The following SMOC2 variants were observed in gnomAD, a reference collection of about 807,000 sequenced individuals.
SMOC2 encodes SPARC related modular calcium binding 2.
Under a neutral mutation model 61.4 loss-of-function variants are expected in SMOC2, and 39 were observed. The ratio of observed to expected loss-of-function variants is 0.64; its 90% CI spans 0.49 to 0.83. The LOEUF (loss-of-function observed/expected upper bound fraction) is 0.83. SMOC2 is among the 40% of genes least tolerant of loss of function. The pLI is 0.00. For missense variants in SMOC2, 556 were observed against 592.9 expected (o/e 0.94, Z 0.65); for synonymous variants, 247 against 239.9 (o/e 1.03, Z -0.27).
intron 9 of SMOC2, among the ~76,000 whole-genome samples, chr6:168,616,611 G>A (rs1452667321): frequency 1.3e-5 from 2 of 152,206 alleles, no homozygotes; most frequent in Admixed American, 1.3e-4. Flanking sequence ...TAAGTTGGAT[G>A]TCTAAATATG....
intron 1 of SMOC2, among the ~76,000 whole-genome samples, chr6:168,448,469 G>A (rs561146130): frequency 9.0e-4 from 129 of 142,778 alleles, no homozygotes; most frequent in Non-Finnish European, 1.8e-3. Flanking sequence ...GACGGAGATG[G>A]CAAGGAAGAT....
At chr6:168,562,264 C>T in intron 7 of SMOC2, among the ~76,000 whole-genome samples, 1 of 140,044 alleles carries the variant, frequency 7.1e-6, no homozygotes, top group Non-Finnish European at 1.5e-5. Flanking sequence ...ATTTTCCTGC[C>T]CTGAGACACA....
chr6:168,653,171 A>T lies in SMOC2; in HGVS notation c.1228A>T (p.Met410Leu). The T allele has an allele frequency of 6.2e-7, 1 of 1,614,158 alleles. No individual in the cohort carries two copies. Among genetic ancestry groups the T allele is most frequent in the Non-Finnish European group, 8.5e-7 (1 of 1,180,008 alleles). The change falls in exon 11 of 13, where the codon ATG becomes TTG. Residue 410 changes from methionine to leucine, a missense_variant. Coordinates refer to ENST00000356284, the MANE Select transcript of SMOC2 (RefSeq NM_001166412.2). ...NDKSISVQELMGCLGVAKEDG... is the reference protein window; with the variant it reads ...NDKSISVQELLGCLGVAKEDG... ...CAAATCCATCTCCGTACAAGAACTG[A>T]TGGGCTGCCTGGGCGTGGCGAAAGA...
At chr6:168,600,505 C>G (rs756693064) in intron 8 of SMOC2, among the ~76,000 whole-genome samples, 2 of 151,814 alleles carry the variant, frequency 1.3e-5, no homozygotes, top group Non-Finnish European at 2.9e-5. Flanking sequence ...TCCAAAAGCA[C>G]CCGAGTGGCA....
intron 7 of SMOC2, among the ~76,000 whole-genome samples, chr6:168,584,338 A>G (rs1361281157): frequency 1.3e-5 from 2 of 152,206 alleles, no homozygotes; most frequent in Non-Finnish European, 2.9e-5. Context: ...GTTTATTCAC[A>G]CTTTCTAATG....
chr6:168,460,663 C>G (rs1488288696), intron 1 of SMOC2, among the ~76,000 whole-genome samples: 2 of 152,198 alleles, frequency 1.3e-5, no homozygotes, highest in African/African-American at 4.8e-5. Context: ...TCCTTCCACA[C>G]TCCTTTGCTG....
chr6:168,484,878 C>G (rs964506725), intron 1 of SMOC2, among the ~76,000 whole-genome samples: 1 of 152,036 alleles, frequency 6.6e-6, no homozygotes, highest in Non-Finnish European at 1.5e-5. Flanking sequence ...ATTCCACTTA[C>G]AAAAGCTACT....
chr6:168,531,104 C>G (rs1340479851), intron 4 of SMOC2, among the ~76,000 whole-genome samples: 3 of 152,110 alleles, frequency 2.0e-5, no homozygotes, highest in Non-Finnish European at 4.4e-5. Context: ...AAACTCAGCT[C>G]CAGCTCTGAG....
Position 168,469,275 on chromosome 6 carries a change from G to A in SMOC2, c.84+27821G>A, listed in dbSNP as rs547670149. On this transcript the variant is annotated intron_variant, in intron 1 of 12. Coordinates refer to ENST00000356284, the MANE Select transcript of SMOC2 (RefSeq NM_001166412.2). ...TGAAGGAAACCTGTTGGGAAGGAGC[G>A]GTTTCAGTCATGGTGGAACCCCTGG... Among the ~76,000 whole-genome samples the A allele has an allele frequency of 6.6e-5, 10 of 152,324 alleles. No homozygotes were observed. The South Asian group carries it at 8.3e-4, about 13-fold the overall frequency.
At chr6:168,581,797 T>C (rs1343737205) in intron 7 of SMOC2, among the ~76,000 whole-genome samples, 1 of 151,698 alleles carries the variant, frequency 6.6e-6, no homozygotes, top group Non-Finnish European at 1.5e-5. Context: ...GCAGCCCCCC[T>C]CCCCTCCCTT....
At chr6:168,591,727 T>C (rs965504806) in intron 7 of SMOC2, among the ~76,000 whole-genome samples, 5 of 150,970 alleles carry the variant, frequency 3.3e-5, no homozygotes, top group African/African-American at 7.3e-5. Flanking sequence ...GAATTGCTTC[T>C]ATTTGCGTCT....
chr6:168,517,696 G>T (rs890652208), intron 2 of SMOC2, among the ~76,000 whole-genome samples: 3 of 152,228 alleles, frequency 2.0e-5, no homozygotes, highest in Non-Finnish European at 4.4e-5. Flanking sequence ...CCTGCGGCTC[G>T]CAGCTTCTTC....
chr6:168,626,605 A>G (rs1036902396), intron 9 of SMOC2, among the ~76,000 whole-genome samples: 3 of 152,226 alleles, frequency 2.0e-5, no homozygotes, highest in Non-Finnish European at 4.4e-5. Flanking sequence ...ACAAAAGGCA[A>G]TGGGCTCTAC....
chr6:168,633,510 G>A (rs1416090612), intron 9 of SMOC2, among the ~76,000 whole-genome samples: 1 of 152,066 alleles, frequency 6.6e-6, no homozygotes, highest in Non-Finnish European at 1.5e-5. Flanking sequence ...TTGAACTATT[G>A]TAAAGAAAGA....
intron 9 of SMOC2, among the ~76,000 whole-genome samples, chr6:168,636,861 C>A (rs1331764427): frequency 8.6e-6 from 1 of 116,840 alleles, no homozygotes; most frequent in African/African-American, 3.4e-5. Flanking sequence ...CCTCCCTCCT[C>A]CCGCCTCCCT....
intron 2 of SMOC2, among the ~76,000 whole-genome samples, chr6:168,511,899 G>T (rs747066285): frequency 1.3e-5 from 2 of 150,550 alleles, no homozygotes; most frequent in Non-Finnish European, 2.9e-5. Flanking sequence ...CAAATGCCAG[G>T]TATGGGGCAC....
intron 1 of SMOC2, among the ~76,000 whole-genome samples, chr6:168,495,756 C>T (rs570785420): frequency 1.2e-4 from 18 of 152,274 alleles, no homozygotes; most frequent in Non-Finnish European, 2.2e-4. Context: ...CACTCACCTG[C>T]GCGGTTCCCT....
chr6:168,441,258 C>T lies in SMOC2; in HGVS notation c.-113C>T. 7.3e-7 allele frequency: 1 copy of T among 1,362,290 alleles called. No individual in the cohort carries two copies. The highest frequency in any genetic ancestry group is 9.4e-7 in the Non-Finnish European group (1 of 1,066,256). The allele number at this position is 1,362,290 out of a possible 1,614,324, so 84.4% of individuals were successfully genotyped here. The stretch of plus-strand genomic sequence containing the variant: ...GCCGGGAGCGGTGGGGAGAGCATCG[C>T]GGAGCCGCCCCTCCACGCGCCCGCC... On this transcript the variant is annotated 5_prime_UTR_variant, in exon 1 of 13. Transcript: ENST00000356284.
chr6:168,602,828 G>A (rs190106922), intron 8 of SMOC2, among the ~76,000 whole-genome samples: 145 of 152,300 alleles, frequency 9.5e-4, no homozygotes, highest in Middle Eastern at 6.8e-3. Context: ...CTCTAGGGCC[G>A]AGATGCTGGA....
Sources: gnomAD v4.1 joint callset for allele counts (sites outside exome capture counted in the v4.1 genomes callset) on GRCh38, gnomAD v4.1.1 for gene constraint, MANE v1.5 for transcripts, NCBI Gene and HGNC (gene_info 2026-07-23, HGNC 2026-07-21) for gene names.